Variants in PPM1L observed in about 807,000 individuals in gnomAD.
The protein encoded by PPM1L is protein phosphatase, Mg2+/Mn2+ dependent 1L, also known as protein phosphatase 1L.
Under a neutral mutation model 31.4 loss-of-function variants are expected in PPM1L, and 13 were observed. That is an observed-to-expected ratio of 0.41 (90% CI 0.27 to 0.66). PPM1L has a LOEUF of 0.66. PPM1L is among the 30% of genes least tolerant of loss of function. PPM1L has a pLI of 0.29. For synonymous variants in PPM1L, 184 were observed against 175.4 expected, an observed-to-expected ratio of 1.05 and a Z score of -0.39; for missense variants, 326 against 453.7, an observed-to-expected ratio of 0.72 and a Z score of 2.56.
At chr3:161,011,343 TTC>T (rs1272431928) in intron 2 of PPM1L, among the ~76,000 whole-genome samples, 2 of 152,240 alleles carry the variant, frequency 1.3e-5, no homozygotes, top group African/African-American at 4.8e-5. Flanking sequence ...GTGGTATTAT[TTC>T]TGAGAGCTCT....
At chr3:160,865,151 A>G (rs1712045056) in intron 1 of PPM1L, among the ~76,000 whole-genome samples, 1 of 152,224 alleles carries the variant, frequency 6.6e-6, no homozygotes, top group Admixed American at 6.5e-5. Context: ...GGGAAAGTCA[A>G]TAATTGAGGC....
chr3:160,972,009 C>G (rs1224052023), intron 2 of PPM1L, among the ~76,000 whole-genome samples: 3 of 152,106 alleles, frequency 2.0e-5, no homozygotes, highest in Non-Finnish European at 2.9e-5. Flanking sequence ...CTCAAGTGAT[C>G]CTCCCACCTT....
chr3:160,950,313 G>A (rs554138003), intron 1 of PPM1L, among the ~76,000 whole-genome samples: 4 of 152,176 alleles, frequency 2.6e-5, no homozygotes, highest in South Asian at 2.1e-4. Context: ...GGCATTAACC[G>A]AAGATTGAAG....
chr3:160,842,215 G>A, intron 1 of PPM1L: 1 of 698,290 alleles, frequency 1.4e-6, no homozygotes. Flanking sequence ...AAGAATTCAT[G>A]CAGGTGGAAG....
At chr3:160,942,730 A>T (rs1190711675) in intron 1 of PPM1L, among the ~76,000 whole-genome samples, 1 of 152,212 alleles carries the variant, frequency 6.6e-6, no homozygotes, top group Non-Finnish European at 1.5e-5. Flanking sequence ...AATCATACAA[A>T]CTTCATTTAG....
intron 1 of PPM1L, among the ~76,000 whole-genome samples, chr3:160,943,516 A>C (rs1278220987): frequency 6.6e-6 from 1 of 152,238 alleles, no homozygotes; most frequent in Non-Finnish European, 1.5e-5. Flanking sequence ...AGATACACAC[A>C]TAGAAATCCA....
intron 1 of PPM1L, among the ~76,000 whole-genome samples, chr3:160,768,961 C>T (rs1425848350): frequency 6.6e-6 from 1 of 152,198 alleles, no homozygotes; most frequent in South Asian, 2.1e-4. Context: ...TGTATAACTA[C>T]ATCCAGAGAC....
intron 1 of PPM1L, among the ~76,000 whole-genome samples, chr3:160,870,105 G>A (rs974053574): frequency 2.6e-5 from 4 of 152,134 alleles, no homozygotes; most frequent in Non-Finnish European, 4.4e-5. Flanking sequence ...TCCTGACCAT[G>A]GGAGAAGTGT....
chr3:161,022,657 CTTTTTTT>C (rs71147399), intron 2 of PPM1L, among the ~76,000 whole-genome samples: 3,422 of 93,784 alleles, frequency 0.036, 55 homozygotes, highest in South Asian at 0.057. Flanking sequence ...ATTTCTCCTT[CTTTTTTT>C]TTTTTTTTTT....
At chr3:160,858,744 T>C (rs1247660435) in intron 1 of PPM1L, among the ~76,000 whole-genome samples, 1 of 152,174 alleles carries the variant, frequency 6.6e-6, no homozygotes, top group Non-Finnish European at 1.5e-5. Flanking sequence ...GTGGTATTAA[T>C]TTACCTGTTT....
At chr3:161,049,185 G>A (rs1719186874) in intron 2 of PPM1L, among the ~76,000 whole-genome samples, 1 of 151,946 alleles carries the variant, frequency 6.6e-6, no homozygotes, top group Non-Finnish European at 1.5e-5. Flanking sequence ...AGCTGGGGTG[G>A]GAGGATCACT....
chr3:160,945,081 CTATA>C (rs1715357445), intron 1 of PPM1L, among the ~76,000 whole-genome samples: 1 of 125,068 alleles, frequency 8.0e-6, no homozygotes, highest in South Asian at 2.5e-4. Context: ...TTATATATAA[CTATA>C]TATAACATGT....
chr3:160,925,831 G>C (rs1167854130), intron 1 of PPM1L, among the ~76,000 whole-genome samples: 1 of 152,168 alleles, frequency 6.6e-6, no homozygotes, highest in African/African-American at 2.4e-5. Context: ...CCAGAGAAAG[G>C]ACAGAAACCC....
At chr3:160,867,523 C>A (rs1368121748) in intron 1 of PPM1L, among the ~76,000 whole-genome samples, 1 of 124,368 alleles carries the variant, frequency 8.0e-6, no homozygotes, top group Non-Finnish European at 2.0e-5. Flanking sequence ...ACATTTCCTT[C>A]CTGGCTTCCT....
chr3:160,873,909 A>C (rs1245090917), intron 1 of PPM1L, among the ~76,000 whole-genome samples: 1 of 152,178 alleles, frequency 6.6e-6, no homozygotes, highest in Non-Finnish European at 1.5e-5. Flanking sequence ...TCCAAATTAA[A>C]ACCTGATTAT....
chr3:160,989,977 TTTTTG>T (rs71628438), intron 2 of PPM1L, among the ~76,000 whole-genome samples: 257 of 146,684 alleles, frequency 1.8e-3, no homozygotes, highest in Middle Eastern at 7.0e-3. Flanking sequence ...AGCAACGTTG[TTTTTG>T]TTTTGTTTTG....
chr3:160,762,865 A>AT (rs779027336), intron 1 of PPM1L, among the ~76,000 whole-genome samples: 38 of 152,148 alleles, frequency 2.5e-4, no homozygotes, highest in South Asian at 1.2e-3. Flanking sequence ...CTCATTCATT[A>AT]TTTTTTTCCA....
chr3:160,862,607 C>G (rs907298662), intron 1 of PPM1L, among the ~76,000 whole-genome samples: 1 of 151,140 alleles, frequency 6.6e-6, no homozygotes, highest in Admixed American at 6.6e-5. Flanking sequence ...AGAGGGCAGT[C>G]TTACATAGGA....
intron 2 of PPM1L, among the ~76,000 whole-genome samples, chr3:161,031,502 CTT>C (rs760907219): frequency 1.8e-4 from 18 of 101,626 alleles, no homozygotes; most frequent in South Asian, 4.0e-4. Context: ...GTATTCTGTC[CTT>C]TTTTTTTTTT....
Sources: allele counts gnomAD v4.1 joint callset (sites outside exome capture counted in the v4.1 genomes callset), GRCh38; gene constraint gnomAD v4.1.1; transcripts MANE v1.5; gene names NCBI Gene and HGNC (gene_info 2026-07-23, HGNC 2026-07-21).